The following DET1 variants were observed in gnomAD, a reference collection of about 807,000 sequenced individuals.
The protein encoded by DET1 is DET1 partner of COP1 E3 ubiquitin ligase, also known as DET1 homolog.
In DET1, 22 loss-of-function variants were observed where a neutral mutation model predicts 43.7. The ratio of observed to expected loss-of-function variants is 0.50; its 90% CI spans 0.36 to 0.72. The LOEUF (loss-of-function observed/expected upper bound fraction) is 0.72. DET1 is among the 30% of genes least tolerant of loss of function. The pLI is 0.00. For synonymous variants in DET1, 315 were observed against 266.2 expected, an observed-to-expected ratio of 1.18 and a Z score of -1.79; for missense variants, 713 against 713.3, an observed-to-expected ratio of 1.00 and a Z score of 0.00.
At chr15:88,536,153 G>C (rs1219442638) in intron 1 of DET1, among the ~76,000 whole-genome samples, 1 of 152,212 alleles carries the variant, frequency 6.6e-6, no homozygotes, top group African/African-American at 2.4e-5. Flanking sequence ...CATTATTTAA[G>C]TGCTGAAAGA....
At chr15:88,545,448 A>C (rs570342824) in intron 1 of DET1, among the ~76,000 whole-genome samples, 1 of 152,160 alleles carries the variant, frequency 6.6e-6, no homozygotes, top group Non-Finnish European at 1.5e-5. Flanking sequence ...AAGTTCGAGA[A>C]TATCTAGATA....
chr15:88,514,302 C>G (rs12905147), intron 4 of DET1, among the ~76,000 whole-genome samples: 107,067 of 150,414 alleles, frequency 0.71, 38,752 homozygotes, highest in African/African-American at 0.85. Context: ...TGAGGCAGGT[C>G]GGGGTGGGGT....
At chr15:88,536,226 G>T in intron 1 of DET1, 1 of 694,138 alleles carries the variant, frequency 1.4e-6, no homozygotes, top group South Asian at 1.6e-5. Context: ...ATCTTCCCCA[G>T]GCACCTTACG....
chr15:88,511,801 A>G (rs866821869), downstream of DET1, among the ~76,000 whole-genome samples: 11 of 152,340 alleles, frequency 7.2e-5, no homozygotes, highest in African/African-American at 2.2e-4. Context: ...ATTTCATATC[A>G]CATTTCTTAT....
At chr15:88,512,432 A>C (rs1440769301), downstream of DET1, 5 of 985,714 alleles carry the variant, frequency 5.1e-6, no homozygotes, top group Non-Finnish European at 6.0e-6. Context: ...AAGTACTTGA[A>C]AGCATTGAGT....
At chr15:88,539,997 C>T (rs1480956901) in intron 1 of DET1, among the ~76,000 whole-genome samples, 2 of 152,266 alleles carry the variant, frequency 1.3e-5, no homozygotes, top group Non-Finnish European at 2.9e-5. Context: ...GACTCCTACT[C>T]TGTTCCCCTG....
chr15:88,502,035 C>T (rs923223782), intron 8 of DET1: 1 of 152,144 alleles, frequency 6.6e-6, no homozygotes, highest in African/African-American at 2.4e-5. Context: ...GAGTAGTATA[C>T]ACTGTACACA....
chr15:88,521,219 T>C (rs1197064950), intron 3 of DET1, among the ~76,000 whole-genome samples: 1 of 152,220 alleles, frequency 6.6e-6, no homozygotes, highest in Non-Finnish European at 1.5e-5. Flanking sequence ...AGATATGCTA[T>C]TCCTTTTGCT....
At chr15:88,514,891 T>G (rs1229013490) in intron 4 of DET1, among the ~76,000 whole-genome samples, 1 of 152,218 alleles carries the variant, frequency 6.6e-6, no homozygotes, top group Non-Finnish European at 1.5e-5. Context: ...TTCCAAATTT[T>G]AGATTCATCT....
In DET1 at chr15:88,545,210, C is replaced by T. The variant is rs527712718; in HGVS notation, c.-11+1330G>A. 2.5e-4 allele frequency among the ~76,000 whole-genome samples: 38 copies of T among 152,082 alleles called. 1 individual carries two copies. Among genetic ancestry groups the T allele is most frequent in the Admixed American group, 1.2e-3 (19 of 15,268 alleles). On this transcript the variant is annotated intron_variant, in intron 1 of 4. Coordinates refer to ENST00000268148, the MANE Select transcript of DET1 (RefSeq NM_001144074.3). ...TAATCCTCTTACAATAATATTACGG[C>T]ATGTCATGGAAATTAACATTTTATA...
downstream of DET1, chr15:88,511,602 G>A (rs2056201937): frequency 1.0e-6 from 1 of 984,842 alleles, no homozygotes; most frequent in Non-Finnish European, 1.2e-6. Flanking sequence ...GAGACACAAT[G>A]AGAGCTGTTA....
chr15:88,542,604 G>A (rs1050964333), intron 1 of DET1, among the ~76,000 whole-genome samples: 2 of 152,176 alleles, frequency 1.3e-5, no homozygotes, highest in Non-Finnish European at 2.9e-5. Flanking sequence ...ATAACAGTCA[G>A]CTTTTAGAAA....
rs566768230 is a variant in DET1 at position 88,530,762 on chromosome 15, G to T, written c.944C>A (p.Ala315Asp). ...RRAEQDGSAM[A>D]KRRFFQYFDQ... ...AAAATACTGGAAGAAGCGCCTCTTGGCCATTGCACTACCATCCTGTTCTGC... is the reference window on the plus strand; with the variant it reads ...AAAATACTGGAAGAAGCGCCTCTTGTCCATTGCACTACCATCCTGTTCTGC... Residue 315 changes from alanine to aspartate, a missense_variant, in exon 2 of 5, where the codon GCC becomes GAC. Physicochemically the swap from Ala to Asp is moderately radical, Grantham distance 126. Transcript: ENST00000268148. 15 of 1,613,878 alleles carry T rather than the reference G, an allele frequency of 9.3e-6. No homozygotes were observed. In the African/African-American group the frequency reaches 1.9e-4, roughly 20 times the overall value.
At chr15:88,510,150 G>A (rs1038461468), downstream of DET1, among the ~76,000 whole-genome samples, 16 of 152,214 alleles carry the variant, frequency 1.1e-4, no homozygotes, top group African/African-American at 3.6e-4. Flanking sequence ...AGAGAGTGAG[G>A]TGAAAGGCTA....
chr15:88,523,028 G>A (rs1466419273), intron 3 of DET1, among the ~76,000 whole-genome samples: 2 of 151,724 alleles, frequency 1.3e-5, no homozygotes, highest in Admixed American at 1.3e-4. Context: ...GCCGACAGGC[G>A]CATGCCACCA....
downstream of DET1, chr15:88,511,587 C>T: frequency 1.0e-6 from 1 of 985,434 alleles, no homozygotes; most frequent in Non-Finnish European, 1.2e-6. Context: ...TCCACTGTCC[C>T]TAGAGAGACA....
At chr15:88,527,839 T>C in intron 2 of DET1, 53 bp from the exon 3 acceptor site, 5 of 1,343,188 alleles carry the variant, frequency 3.7e-6, no homozygotes, top group Non-Finnish European at 4.8e-6. Context: ...ATGCCATGCG[T>C]AGGAAACTTA....
downstream of DET1, among the ~76,000 whole-genome samples, chr15:88,510,764 T>G (rs555009490): frequency 7.0e-3 from 1,033 of 146,916 alleles, 5 homozygotes; most frequent in Middle Eastern, 0.014. Context: ...GTTTTGTTTT[T>G]TTTTTTGTTT....
downstream of DET1, chr15:88,511,541 G>C (rs1377468256): frequency 3.0e-6 from 3 of 985,432 alleles, no homozygotes; most frequent in African/African-American, 5.2e-5. Flanking sequence ...CTCTTCCACA[G>C]TATATTTTTC....
Sources: allele counts gnomAD v4.1 joint callset (sites outside exome capture counted in the v4.1 genomes callset), GRCh38; gene constraint gnomAD v4.1.1; transcripts MANE v1.5; gene names NCBI Gene and HGNC (gene_info 2026-07-23, HGNC 2026-07-21).